SORCS1: variants seen among roughly 807,000 people sequenced by gnomAD.
The protein encoded by SORCS1 is VPS10 domain-containing receptor SorCS1.
SORCS1 carries 60 observed loss-of-function variants against 146.1 expected under a neutral mutation model. The observed-to-expected ratio is 0.41, with a 90% CI of 0.33 to 0.51. SORCS1 has a LOEUF of 0.51. SORCS1 is among the 20% of genes least tolerant of loss of function. The pLI is 0.21. For synonymous variants in SORCS1, 637 were observed against 584.0 expected (o/e 1.09, Z -1.31); for missense variants, 1,352 against 1,487.6 (o/e 0.91, Z 1.50).
intron 3 of SORCS1, among the ~76,000 whole-genome samples, chr10:106,808,792 G>C (rs974170502): frequency 6.6e-6 from 1 of 152,108 alleles, no homozygotes; most frequent in Non-Finnish European, 1.5e-5. Context: ...ATGAGTCACC[G>C]GAAAAGAGTA....
At chr10:107,120,805 C>T (rs915088216) in intron 1 of SORCS1, among the ~76,000 whole-genome samples, 1 of 152,120 alleles carries the variant, frequency 6.6e-6, no homozygotes, top group Non-Finnish European at 1.5e-5. Context: ...CATTTAATTC[C>T]CATACTACAT....
the SORCS1 span, among the ~76,000 whole-genome samples, chr10:107,170,621 C>A: frequency 1.1e-4 from 16 of 152,316 alleles, no homozygotes; most frequent in Middle Eastern, 3.4e-3. Context: ...GTCTTTGGGA[C>A]CTCTCACTCA....
chr10:106,644,638 T>C (rs539694592), intron 18 of SORCS1, among the ~76,000 whole-genome samples: 1 of 152,186 alleles, frequency 6.6e-6, no homozygotes, highest in Non-Finnish European at 1.5e-5. Context: ...GTGCCAGGAT[T>C]ACAAGTGTGA....
At chr10:106,884,921 A>C (rs1241883968) in intron 2 of SORCS1, among the ~76,000 whole-genome samples, 1 of 152,212 alleles carries the variant, frequency 6.6e-6, no homozygotes, top group Non-Finnish European at 1.5e-5. Flanking sequence ...ATTACTAGGA[A>C]AGAAGTCAGG....
intron 1 of SORCS1, among the ~76,000 whole-genome samples, chr10:107,161,577 T>C (rs1194863028): frequency 3.3e-5 from 5 of 152,084 alleles, no homozygotes; most frequent in Non-Finnish European, 1.5e-5. Flanking sequence ...TAGCCCCCAC[T>C]TTAGAGATGA....
At chr10:106,937,133 T>C (rs1425001772) in intron 2 of SORCS1, among the ~76,000 whole-genome samples, 1 of 151,934 alleles carries the variant, frequency 6.6e-6, no homozygotes, top group Non-Finnish European at 1.5e-5. Context: ...GTTTTTCCCA[T>C]GCTGTTCTTG....
chr10:106,726,185 C>CTCTTTTTTTTTTTTTT lies in SORCS1; in HGVS notation c.1024+3864_1024+3865insAAAAAAAAAAAAAAGA, dbSNP rs1435746962. On this transcript the variant is annotated intron_variant, in intron 6 of 25. Transcript: ENST00000263054. ...TTATTGAGACAATCTCTTTCCCTCTCTTTTTTTTTTTTTTTTTTTTTTACA... is the reference window on the plus strand; with the variant it reads ...TTATTGAGACAATCTCTTTCCCTCTCTCTTTTTTTTTTTTTTTTTTTTTTTTTTTTTTTTTTTTACA... Among the ~76,000 whole-genome samples the CTCTTTTTTTTTTTTTT allele has an allele frequency of 4.5e-5, 3 of 66,300 alleles. 1 individual carries two copies. The highest frequency in any genetic ancestry group is 2.8e-5 in the Non-Finnish European group (1 of 35,226). 43.5% of individuals were successfully genotyped at this position (66,300 alleles called of 152,430 possible).
chr10:107,017,001 C>T (rs1957924999), intron 1 of SORCS1, among the ~76,000 whole-genome samples: 1 of 152,146 alleles, frequency 6.6e-6, no homozygotes, highest in East Asian at 1.9e-4. Context: ...AATAGAAAGA[C>T]ATGAAAATAT....
At chr10:106,847,741 T>C (rs1949359932) in intron 2 of SORCS1, among the ~76,000 whole-genome samples, 1 of 109,766 alleles carries the variant, frequency 9.1e-6, no homozygotes, top group African/African-American at 3.1e-5. Flanking sequence ...AATTTCCCTC[T>C]ACACACTGCT....
rs1342955506 is a variant in SORCS1 at position 106,729,441 on chromosome 10, CTCTT to C, written c.1024+605_1024+608del. ...GGACACACAGAAAAATTCTCTCTCT[CTCTT>C]TTTTTTTTTTTAATTCTTTCCAAGT... On this transcript the variant is annotated intron_variant, in intron 6 of 25. Coordinates refer to ENST00000263054, the MANE Select transcript of SORCS1 (RefSeq NM_052918.5). Among the ~76,000 whole-genome samples the C allele has an allele frequency of 3.2e-3, 378 of 116,754 alleles. 5 individuals carry two copies. The highest frequency in any genetic ancestry group is 0.013 in the African/African-American group (359 of 28,082). The allele number at this position is 116,754 out of a possible 152,430, so 76.6% of individuals were successfully genotyped here.
intron 2 of SORCS1, among the ~76,000 whole-genome samples, chr10:106,868,688 A>G (rs1031229873): frequency 3.3e-5 from 5 of 152,216 alleles, no homozygotes; most frequent in African/African-American, 1.2e-4. Flanking sequence ...TGATACAGCT[A>G]GGGTAGTGTT....
chr10:106,991,163 A>C (rs7072384), intron 1 of SORCS1, among the ~76,000 whole-genome samples: 26,597 of 152,220 alleles, frequency 0.17, 7,109 homozygotes, highest in African/African-American at 0.58. Context: ...CTTACATTTT[A>C]TATTTGACAC....
intron 2 of SORCS1, among the ~76,000 whole-genome samples, chr10:106,839,521 G>A (rs933902181): frequency 6.6e-6 from 1 of 152,186 alleles, no homozygotes; most frequent in Non-Finnish European, 1.5e-5. Flanking sequence ...TCTCTATAAC[G>A]GGTAAGTGCA....
At chr10:106,761,776 GCCA>G in intron 4 of SORCS1, 115 bp from the exon 5 acceptor site, 1 of 864,030 alleles carries the variant, frequency 1.2e-6, no homozygotes, top group Non-Finnish European at 1.9e-6. Context: ...CTGAACACCT[GCCA>G]TATACAAGGT....
At chr10:106,653,292 T>C (rs1025166088) in intron 17 of SORCS1, among the ~76,000 whole-genome samples, 2 of 152,224 alleles carry the variant, frequency 1.3e-5, no homozygotes, top group African/African-American at 4.8e-5. Flanking sequence ...TTTTTGAGGT[T>C]CAGCGTTATC....
intron 5 of SORCS1, among the ~76,000 whole-genome samples, chr10:106,748,517 G>A (rs934356003): frequency 1.3e-5 from 2 of 151,828 alleles, no homozygotes; most frequent in African/African-American, 4.8e-5. Flanking sequence ...CCTATTCCCC[G>A]AGATGCAAGA....
chr10:106,636,791 C>T (rs1848753113), intron 18 of SORCS1, among the ~76,000 whole-genome samples: 1 of 152,156 alleles, frequency 6.6e-6, no homozygotes, highest in Non-Finnish European at 1.5e-5. Context: ...TCAAATTTGC[C>T]TAGAGTCACA....
intron 5 of SORCS1, among the ~76,000 whole-genome samples, chr10:106,750,660 C>T (rs1254933318): frequency 1.6e-5 from 2 of 123,976 alleles, no homozygotes; most frequent in African/African-American, 6.2e-5. Context: ...ACCTGGGAGA[C>T]GGAACTTGCA....
chr10:106,758,947 T>TGGTA (rs1283613700), intron 5 of SORCS1, among the ~76,000 whole-genome samples: 2 of 152,202 alleles, frequency 1.3e-5, no homozygotes, highest in Admixed American at 6.5e-5. Context: ...GGGGAAAAAG[T>TGGTA]GGTATCTTAC....
Sources: allele counts gnomAD v4.1 joint callset (sites outside exome capture counted in the v4.1 genomes callset), GRCh38; gene constraint gnomAD v4.1.1; transcripts MANE v1.5; gene names NCBI Gene and HGNC (gene_info 2026-07-23, HGNC 2026-07-21).